The following ADCY2 variants were observed in gnomAD, a reference collection of about 807,000 sequenced individuals.
The protein encoded by ADCY2 is adenylate cyclase type 2.
In ADCY2, 31 loss-of-function variants were observed where a neutral mutation model predicts 125.2. That is an observed-to-expected ratio of 0.25 (90% confidence interval 0.19 to 0.33). The LOEUF is 0.33. Among genes scored for constraint, ADCY2 ranks in the 10% least tolerant of loss-of-function variants. The pLI is 1.00. For synonymous variants in ADCY2, 512 were observed against 548.4 expected, an observed-to-expected ratio of 0.93 and a Z score of 0.93; for missense variants, 904 against 1,418.2, an observed-to-expected ratio of 0.64 and a Z score of 5.82.
At chr5:7,701,078 C>A (rs1335989326) in intron 7 of ADCY2, among the ~76,000 whole-genome samples, 1 of 151,540 alleles carries the variant, frequency 6.6e-6, no homozygotes, top group Admixed American at 6.6e-5. Context: ...ATCAGTGGAA[C>A]TATTGGATTG....
intron 3 of ADCY2, among the ~76,000 whole-genome samples, chr5:7,587,658 C>T (rs571568708): frequency 5.3e-5 from 8 of 152,224 alleles, no homozygotes; most frequent in South Asian, 4.2e-4. Flanking sequence ...GATTACTTCA[C>T]GGATGAAGCC....
intron 2 of ADCY2, among the ~76,000 whole-genome samples, chr5:7,458,200 A>G (rs764584344): frequency 3.9e-5 from 6 of 152,224 alleles, no homozygotes; most frequent in Non-Finnish European, 7.3e-5. Context: ...AAAGAACAGA[A>G]AAAGAGTGGG....
At chr5:7,665,950 T>C (rs529650476) in intron 4 of ADCY2, among the ~76,000 whole-genome samples, 1 of 140,904 alleles carries the variant, frequency 7.1e-6, no homozygotes, top group South Asian at 2.5e-4. Flanking sequence ...GCCATTCTCC[T>C]GCCTCAGCTT....
chr5:7,412,922 T>C (rs1219374899), intron 1 of ADCY2, among the ~76,000 whole-genome samples: 3 of 152,230 alleles, frequency 2.0e-5, no homozygotes, highest in African/African-American at 2.4e-5. Flanking sequence ...GGTTAATATA[T>C]GTAAGCCTGC....
chr5:7,639,954 T>A (rs568009792), intron 4 of ADCY2, among the ~76,000 whole-genome samples: 132 of 152,256 alleles, frequency 8.7e-4, no homozygotes, highest in Non-Finnish European at 1.3e-3. Context: ...ACATGGAATT[T>A]TTTTGTGTTA....
chr5:7,747,850 A>G (rs1364259559), intron 15 of ADCY2, among the ~76,000 whole-genome samples: 1 of 152,242 alleles, frequency 6.6e-6, no homozygotes. Context: ...CTTGAAAAAC[A>G]CAAGATAAAT....
chr5:7,478,923 C>CATTTATA (rs1317424905), intron 2 of ADCY2, among the ~76,000 whole-genome samples: 3 of 152,060 alleles, frequency 2.0e-5, no homozygotes, highest in Admixed American at 2.0e-4. Flanking sequence ...TTCAGCGTGT[C>CATTTATA]ATTTATACAG....
chr5:7,554,718 C>T (rs1006093540), intron 3 of ADCY2, among the ~76,000 whole-genome samples: 1 of 152,068 alleles, frequency 6.6e-6, no homozygotes, highest in Non-Finnish European at 1.5e-5. Context: ...TTTTGCAGGT[C>T]AAGTGTCAGG....
intron 3 of ADCY2, among the ~76,000 whole-genome samples, chr5:7,570,992 C>T (rs73048130): frequency 0.028 from 4,257 of 152,114 alleles, 185 homozygotes; most frequent in African/African-American, 0.097. Flanking sequence ...ATAGGCTTTG[C>T]TGATATGTTA....
At chr5:7,601,208 T>C (rs903782741) in intron 3 of ADCY2, among the ~76,000 whole-genome samples, 1 of 152,156 alleles carries the variant, frequency 6.6e-6, no homozygotes, top group Admixed American at 6.5e-5. Flanking sequence ...AGTTCCCTCA[T>C]TGTCCCTCAC....
At chr5:7,648,143 G>T (rs1324387114) in intron 4 of ADCY2, among the ~76,000 whole-genome samples, 2 of 152,026 alleles carry the variant, frequency 1.3e-5, no homozygotes, top group African/African-American at 4.8e-5. Context: ...TTATATGACT[G>T]GTTGCCTTTT....
chr5:7,619,052 A>G (rs531033803), intron 3 of ADCY2, among the ~76,000 whole-genome samples: 1 of 152,328 alleles, frequency 6.6e-6, no homozygotes, highest in East Asian at 1.9e-4. Flanking sequence ...TTTCTGAAAT[A>G]CGCAGGTCAA....
chr5:7,630,065 T>C (rs541907071), intron 4 of ADCY2, among the ~76,000 whole-genome samples: 1 of 152,194 alleles, frequency 6.6e-6, no homozygotes, highest in Non-Finnish European at 1.5e-5. Flanking sequence ...TTCCTTTTAG[T>C]AAAAAATACT....
chr5:7,516,760 C>G (rs1744266778), intron 2 of ADCY2, among the ~76,000 whole-genome samples: 1 of 152,172 alleles, frequency 6.6e-6, no homozygotes, highest in African/African-American at 2.4e-5. Context: ...GAAGGGTACA[C>G]ACTCTGTTTC....
intron 3 of ADCY2, among the ~76,000 whole-genome samples, chr5:7,523,690 G>C (rs1393097958): frequency 1.6e-4 from 25 of 152,306 alleles, no homozygotes; most frequent in Admixed American, 1.6e-3. Context: ...CCACTGGTTT[G>C]AGGTTCCAGA....
At chr5:7,677,753 C>T (rs1227175111) in intron 4 of ADCY2, among the ~76,000 whole-genome samples, 1 of 152,208 alleles carries the variant, frequency 6.6e-6, no homozygotes, top group African/African-American at 2.4e-5. Context: ...ACCCAGCCCA[C>T]TGAATCAGGA....
intron 22 of ADCY2, among the ~76,000 whole-genome samples, chr5:7,814,286 C>T (rs930081424): frequency 2.0e-5 from 3 of 152,158 alleles, no homozygotes; most frequent in African/African-American, 7.2e-5. Context: ...CTTCTCCATT[C>T]ATATTTATAC....
chr5:7,544,672 C>T (rs1437273058), intron 3 of ADCY2, among the ~76,000 whole-genome samples: 1 of 152,184 alleles, frequency 6.6e-6, no homozygotes, highest in African/African-American at 2.4e-5. Context: ...TGGCTCAGCT[C>T]ACCCCTGGGG....
chr5:7,489,881 G>A (rs980146634), intron 2 of ADCY2, among the ~76,000 whole-genome samples: 40 of 152,276 alleles, frequency 2.6e-4, no homozygotes, highest in Admixed American at 2.1e-3. Flanking sequence ...GAGCTGTCCC[G>A]TGATGACTTA....
Sources: gnomAD v4.1 joint callset for allele counts (sites outside exome capture counted in the v4.1 genomes callset) on GRCh38, gnomAD v4.1.1 for gene constraint, MANE v1.5 for transcripts, NCBI Gene and HGNC (gene_info 2026-07-23, HGNC 2026-07-21) for gene names.